The following ITPRID1 variants were observed in gnomAD, a reference collection of about 807,000 sequenced individuals.
The protein encoded by ITPRID1 is ITPR interacting domain containing 1, also known as protein ITPRID1.
In ITPRID1, 96 loss-of-function variants were observed where a neutral mutation model predicts 95.4. The ratio of observed to expected loss-of-function variants is 1.01; its 90% confidence interval spans 0.85 to 1.19. The LOEUF (loss-of-function observed/expected upper bound fraction) is 1.19, where lower values mean the gene tolerates loss of function less well. Among genes scored for constraint, ITPRID1 ranks in the 50% most tolerant of loss-of-function variants. ITPRID1 has a pLI of 0.00. For synonymous variants in ITPRID1, 510 were observed against 453.6 expected, an observed-to-expected ratio of 1.12 and a Z score of -1.58; for missense variants, 1,339 against 1,252.9, an observed-to-expected ratio of 1.07 and a Z score of -1.04.
At chr7:31,540,212 G>A (rs999850900) in intron 1 of ITPRID1, among the ~76,000 whole-genome samples, 3 of 152,100 alleles carry the variant, frequency 2.0e-5, no homozygotes, top group Non-Finnish European at 4.4e-5. Context: ...AGTTGTCTGT[G>A]AAATGGCCAT....
intron 10 of ITPRID1, 143 bp downstream of exon 10, chr7:31,583,334 C>G: frequency 1.8e-6 from 1 of 570,892 alleles, no homozygotes; most frequent in Admixed American, 3.0e-5. Context: ...ATATTAAAAG[C>G]CTACTGGCAG....
chr7:31,570,697 A>T (rs1286661715), intron 6 of ITPRID1, among the ~76,000 whole-genome samples: 1 of 152,200 alleles, frequency 6.6e-6, no homozygotes, highest in East Asian at 1.9e-4. Context: ...AATGAGAGCC[A>T]GGTTCTGTGA....
chr7:31,616,448 G>A (rs1004644193), intron 10 of ITPRID1, among the ~76,000 whole-genome samples: 33 of 152,066 alleles, frequency 2.2e-4, no homozygotes, highest in African/African-American at 7.5e-4. Context: ...TGGACCTCAG[G>A]GAGAGTTTGT....
intron 2 of ITPRID1, among the ~76,000 whole-genome samples, chr7:31,550,477 T>C (rs1784249444): frequency 6.6e-6 from 1 of 152,146 alleles, no homozygotes; most frequent in African/African-American, 2.4e-5. Context: ...ATGCCATAAC[T>C]TGTGCCCTGT....
chr7:31,522,771 G>A (rs1270899911), intron 1 of ITPRID1, among the ~76,000 whole-genome samples: 1 of 152,096 alleles, frequency 6.6e-6, no homozygotes, highest in Non-Finnish European at 1.5e-5. Flanking sequence ...TAAAAACAAA[G>A]CAAGCCAAAA....
chr7:31,621,732 A>G (rs1048968631), intron 10 of ITPRID1, among the ~76,000 whole-genome samples: 1 of 147,086 alleles, frequency 6.8e-6, no homozygotes, highest in African/African-American at 2.5e-5. Context: ...CATCATAATG[A>G]CAGGATCAAA....
chr7:31,604,995 G>A (rs868618949), intron 10 of ITPRID1, among the ~76,000 whole-genome samples: 4 of 152,024 alleles, frequency 2.6e-5, no homozygotes, highest in African/African-American at 7.2e-5. Context: ...AAAATTAGCC[G>A]GGGGTGGTGG....
At chr7:31,543,083 A>C (rs555876487) in intron 1 of ITPRID1, among the ~76,000 whole-genome samples, 2 of 152,186 alleles carry the variant, frequency 1.3e-5, no homozygotes, top group African/African-American at 4.8e-5. Flanking sequence ...TAATTTCCCA[A>C]CTGGGTTATT....
At chr7:31,591,185 T>G (rs1309117404) in intron 10 of ITPRID1, among the ~76,000 whole-genome samples, 1 of 152,202 alleles carries the variant, frequency 6.6e-6, no homozygotes, top group Non-Finnish European at 1.5e-5. Context: ...TTTTCCCAAT[T>G]TGTCATCCTT....
intron 10 of ITPRID1, among the ~76,000 whole-genome samples, chr7:31,612,256 A>T (rs987580237): frequency 6.6e-6 from 1 of 151,720 alleles, no homozygotes; most frequent in Non-Finnish European, 1.5e-5. Flanking sequence ...TTTCTCATAC[A>T]CTCCTTCAGT....
chr7:31,527,408 C>T (rs1278884303), intron 1 of ITPRID1, among the ~76,000 whole-genome samples: 1 of 152,156 alleles, frequency 6.6e-6, no homozygotes, highest in African/African-American at 2.4e-5. Flanking sequence ...TTCTGGGTCT[C>T]ACTTTCCTCA....
At position 31,549,512 on chromosome 7, in the gene ITPRID1, G is replaced by C. The variant is rs112315387; in HGVS notation, c.-24+13G>C. 49 of 1,516,172 alleles carry C rather than the reference G, an allele frequency of 3.2e-5. 2 individuals carry two copies. The African/African-American group carries it at 4.1e-4, about 13-fold the overall frequency. The allele number at this position is 1,516,172 out of a possible 1,614,324, so 93.9% of individuals were successfully genotyped here. On this transcript the variant is annotated intron_variant, in intron 2 of 14. Transcript: ENST00000615280. ...ACCAATATGAGTGGTGATTGTTTTGGATATATTTTTCATTAAATTTTCCCA... is the reference window on the plus strand; with the variant it reads ...ACCAATATGAGTGGTGATTGTTTTGCATATATTTTTCATTAAATTTTCCCA...
At chr7:31,565,478 G>A (rs1784766193) in intron 5 of ITPRID1, among the ~76,000 whole-genome samples, 1 of 152,160 alleles carries the variant, frequency 6.6e-6, no homozygotes, top group Non-Finnish European at 1.5e-5. Flanking sequence ...GATCACACCT[G>A]TAAACCCAGC....
At chr7:31,550,118 C>A (rs765930492) in intron 2 of ITPRID1, among the ~76,000 whole-genome samples, 3 of 148,086 alleles carry the variant, frequency 2.0e-5, no homozygotes, top group Non-Finnish European at 4.5e-5. Flanking sequence ...ATTTTGGTAC[C>A]TTTTTTTTTC....
Position 31,653,061 on chromosome 7 carries a change from T to G in ITPRID1, c.*232T>G. On this transcript the variant is annotated 3_prime_UTR_variant, in exon 15 of 15. Coordinates refer to ENST00000615280, the MANE Select transcript of ITPRID1 (RefSeq NM_001257967.3). ...CTGGCACAGAGTATGCAACAGTGAC[T>G]AAATAGTATACGGTCTCTGCCCTGC... The G allele has an allele frequency of 9.3e-7, 1 of 1,073,082 alleles. No individual in the cohort carries two copies. The allele number at this position is 1,073,082 out of a possible 1,614,324, so 66.5% of individuals were successfully genotyped here.
chr7:31,639,760 A>G (rs38388), intron 10 of ITPRID1, among the ~76,000 whole-genome samples: 24,219 of 148,854 alleles, frequency 0.16, 2,365 homozygotes, highest in Non-Finnish European at 0.2. Flanking sequence ...CTCGTCTTGA[A>G]CTCCTGACCT....
intron 10 of ITPRID1, among the ~76,000 whole-genome samples, chr7:31,641,285 T>C (rs113866531): frequency 6.6e-4 from 100 of 152,290 alleles, no homozygotes; most frequent in Middle Eastern, 3.4e-3. Context: ...TCAAGCATTG[T>C]ATCTATGGAC....
intron 9 of ITPRID1, among the ~76,000 whole-genome samples, chr7:31,580,276 C>T: frequency 9.3e-6 from 1 of 107,098 alleles, no homozygotes; most frequent in Non-Finnish European, 1.8e-5. Flanking sequence ...CCAGCCTAGA[C>T]AACAAGAGCA....
intron 1 of ITPRID1, among the ~76,000 whole-genome samples, chr7:31,522,717 G>A (rs1266451806): frequency 2.6e-5 from 4 of 152,096 alleles, no homozygotes; most frequent in African/African-American, 9.7e-5. Context: ...GAAATTCCAG[G>A]GATGGCAAGC....
Sources: allele counts gnomAD v4.1 joint callset (sites outside exome capture counted in the v4.1 genomes callset), GRCh38; gene constraint gnomAD v4.1.1; transcripts MANE v1.5; gene names NCBI Gene and HGNC (gene_info 2026-07-23, HGNC 2026-07-21).